The following TAFA4 variants were observed in gnomAD, a reference collection of about 807,000 sequenced individuals.
TAFA4 encodes TAFA chemokine like family member 4, also known as chemokine-like protein TAFA-4.
TAFA4 carries 20 observed loss-of-function variants against 21.1 expected under a neutral mutation model. The ratio of observed to expected loss-of-function variants is 0.95; its 90% CI spans 0.67 to 1.38. The LOEUF (loss-of-function observed/expected upper bound fraction) is 1.38. Ranked by LOEUF, TAFA4 falls within the 40% of genes most tolerant of loss-of-function variation. The pLI, the probability that TAFA4 is intolerant of heterozygous loss-of-function variation, is 0.00. For missense variants in TAFA4, 211 were observed against 180.9 expected (o/e 1.17, Z -0.95); for synonymous variants, 71 against 67.4 (o/e 1.05, Z -0.26).
chr3:68,874,098 C>A (rs2089519330), intron 3 of TAFA4, among the ~76,000 whole-genome samples: 1 of 152,252 alleles, frequency 6.6e-6, no homozygotes, highest in East Asian at 1.9e-4. Flanking sequence ...AAGAAAAAAA[C>A]AGAGCCCAGT....
At chr3:68,864,013 A>C (rs956131948) in intron 3 of TAFA4, among the ~76,000 whole-genome samples, 1 of 152,140 alleles carries the variant, frequency 6.6e-6, no homozygotes, top group Non-Finnish European at 1.5e-5. Context: ...CTCAAAGAAA[A>C]CAGAAAACAA....
chr3:68,842,420 C>A (rs554111678), intron 3 of TAFA4, among the ~76,000 whole-genome samples: 1 of 152,178 alleles, frequency 6.6e-6, no homozygotes, highest in South Asian at 2.1e-4. Context: ...TTTGTTTAAG[C>A]TCTTTGTGGA....
At chr3:68,921,835 A>C (rs2090063659) in intron 1 of TAFA4, among the ~76,000 whole-genome samples, 3 of 152,246 alleles carry the variant, frequency 2.0e-5, no homozygotes, top group Non-Finnish European at 4.4e-5. Flanking sequence ...GAAGTTGGCA[A>C]TAGGCTGGTT....
At chr3:68,799,450 C>T (rs1703525045) in intron 3 of TAFA4, among the ~76,000 whole-genome samples, 1 of 152,122 alleles carries the variant, frequency 6.6e-6, no homozygotes, top group South Asian at 2.1e-4. Context: ...TTAATACCAC[C>T]ACCTTGGGGG....
chr3:68,908,748 A>T (rs1365827936), intron 1 of TAFA4, among the ~76,000 whole-genome samples: 1 of 152,232 alleles, frequency 6.6e-6, no homozygotes, highest in Non-Finnish European at 1.5e-5. Context: ...CATTCATCTT[A>T]TGTTTCATTA....
intron 4 of TAFA4, among the ~76,000 whole-genome samples, chr3:68,749,244 T>A (rs1425033264): frequency 6.6e-6 from 1 of 152,242 alleles, no homozygotes; most frequent in Non-Finnish European, 1.5e-5. Context: ...TCTATGGTTT[T>A]ATAGAAAAGC....
intron 5 of TAFA4, 121 bp from the exon 6 acceptor site, chr3:68,733,274 T>A: frequency 8.0e-7 from 1 of 1,250,870 alleles, no homozygotes; most frequent in Middle Eastern, 2.0e-4. Flanking sequence ...CATTTACCTA[T>A]AACCGACCTC....
chr3:68,909,444 A>G, intron 1 of TAFA4, among the ~76,000 whole-genome samples: 1 of 150,446 alleles, frequency 6.6e-6, no homozygotes, highest in African/African-American at 2.5e-5. Context: ...GTAGTCCCTC[A>G]GTAAATATAT....
At chr3:68,810,730 G>A (rs573271918) in intron 3 of TAFA4, among the ~76,000 whole-genome samples, 1 of 152,360 alleles carries the variant, frequency 6.6e-6, no homozygotes, top group East Asian at 1.9e-4. Context: ...TGCCTCTGCA[G>A]ACTCCACCTC....
intron 3 of TAFA4, among the ~76,000 whole-genome samples, chr3:68,772,441 A>G (rs746115567): frequency 1.3e-5 from 2 of 152,186 alleles, no homozygotes; most frequent in Admixed American, 6.5e-5. Context: ...GGAGGCCCAG[A>G]TAGAACAAAA....
chr3:68,749,579 G>A (rs901923480), intron 4 of TAFA4, among the ~76,000 whole-genome samples: 2 of 152,184 alleles, frequency 1.3e-5, no homozygotes, highest in Admixed American at 6.5e-5. Context: ...ATCAAAGAGA[G>A]ATGAAATCAG....
intron 1 of TAFA4, among the ~76,000 whole-genome samples, chr3:68,918,832 T>C (rs1575673354): frequency 6.6e-6 from 1 of 152,362 alleles, no homozygotes; most frequent in Non-Finnish European, 1.5e-5. Flanking sequence ...TGAGCCACCA[T>C]GCCCAGCCTC....
chr3:68,734,122 AAATG>A (rs1215865985), intron 5 of TAFA4, among the ~76,000 whole-genome samples: 5 of 152,192 alleles, frequency 3.3e-5, no homozygotes, highest in African/African-American at 1.2e-4. Flanking sequence ...GACAATAAAT[AAATG>A]AATGGGCATT....
intron 3 of TAFA4, among the ~76,000 whole-genome samples, chr3:68,862,170 C>G (rs945705627): frequency 6.6e-5 from 10 of 152,084 alleles, no homozygotes; most frequent in African/African-American, 2.4e-4. Context: ...CGACACTTAA[C>G]AAGTTAGGGG....
At chr3:68,738,328 C>CCAAT (rs1702281186) in intron 5 of TAFA4, among the ~76,000 whole-genome samples, 1 of 152,052 alleles carries the variant, frequency 6.6e-6, no homozygotes, top group African/African-American at 2.4e-5. Flanking sequence ...GGCTAGTGGA[C>CCAAT]CAATCACCAG....
intron 1 of TAFA4, among the ~76,000 whole-genome samples, chr3:68,919,124 C>T (rs978923887): frequency 1.3e-5 from 2 of 152,166 alleles, no homozygotes; most frequent in Non-Finnish European, 1.5e-5. Flanking sequence ...TAAAAAACAT[C>T]TTGGCATCCA....
At chr3:68,917,679 G>T (rs1015752276) in intron 1 of TAFA4, among the ~76,000 whole-genome samples, 1 of 148,736 alleles carries the variant, frequency 6.7e-6, no homozygotes, top group Non-Finnish European at 1.5e-5. Context: ...ACTTGAACTC[G>T]AGAGGCAGAG....
At chr3:68,842,334 ATCAATG>A (rs889537167) in intron 3 of TAFA4, among the ~76,000 whole-genome samples, 88 of 152,286 alleles carry the variant, frequency 5.8e-4, no homozygotes, top group African/African-American at 1.9e-3. Flanking sequence ...TGCTGGCCAC[ATCAATG>A]TCTTCTTTTG....
intron 3 of TAFA4, among the ~76,000 whole-genome samples, chr3:68,849,993 A>C (rs754272956): frequency 1.6e-4 from 25 of 152,236 alleles, no homozygotes; most frequent in Non-Finnish European, 2.6e-4. Flanking sequence ...ATAAAGGTAC[A>C]TATTGAGAAA....
Sources: allele counts gnomAD v4.1 joint callset (sites outside exome capture counted in the v4.1 genomes callset), GRCh38; gene constraint gnomAD v4.1.1; transcripts MANE v1.5; gene names NCBI Gene and HGNC (gene_info 2026-07-23, HGNC 2026-07-21).